Variants in YBX3 observed in about 807,000 individuals in gnomAD.
YBX3 encodes the protein Y-box binding protein 3.
YBX3 carries 29 observed loss-of-function variants against 42.4 expected under a neutral mutation model. That is an observed-to-expected ratio of 0.68 (90% CI 0.51 to 0.93). The LOEUF (loss-of-function observed/expected upper bound fraction) is 0.93. YBX3 is among the 40% of genes least tolerant of loss of function. The probability of loss-of-function intolerance (pLI) is 0.00; values close to 1 mark genes in which losing one functional copy is unlikely to be tolerated. For synonymous variants in YBX3, 195 were observed against 189.8 expected, an observed-to-expected ratio of 1.03 and a Z score of -0.22; for missense variants, 517 against 527.5, an observed-to-expected ratio of 0.98 and a Z score of 0.19.
intron 2 of YBX3, 104 bp from the exon 3 acceptor site, chr12:10,718,225 C>T: frequency 1.0e-6 from 1 of 975,070 alleles, no homozygotes; most frequent in South Asian, 1.7e-5. Flanking sequence ...CAAAACACAA[C>T]ATATATTTTC....
At chr12:10,717,901 T>C (rs1948280554) in intron 3 of YBX3, 187 bp downstream of exon 3, 1 of 445,376 alleles carries the variant, frequency 2.2e-6, no homozygotes, top group Non-Finnish European at 3.9e-6. Context: ...AAACAGTTAA[T>C]ATGATGGGGT....
At chr12:10,703,611 T>C (rs1242991307) in intron 7 of YBX3, 1 of 432,136 alleles carries the variant, frequency 2.3e-6, no homozygotes, top group South Asian at 1.7e-5. Context: ...AGAACATACA[T>C]CTAATGAACT....
intron 3 of YBX3, 178 bp downstream of exon 3, chr12:10,717,910 G>T: frequency 2.1e-6 from 1 of 472,064 alleles, no homozygotes; most frequent in Non-Finnish European, 3.7e-6. Flanking sequence ...ATATGATGGG[G>T]TAGAAGAACT....
chr12:10,714,730 G>T (rs1370079022), intron 4 of YBX3, among the ~76,000 whole-genome samples: 1 of 151,434 alleles, frequency 6.6e-6, no homozygotes, highest in African/African-American at 2.4e-5. Context: ...TTTGATAAAA[G>T]AAATCTTTTG....
At chr12:10,719,280 T>C (rs551640512) in intron 1 of YBX3, 137 bp from the exon 2 acceptor site, 60 of 694,200 alleles carry the variant, frequency 8.6e-5, no homozygotes, top group African/African-American at 8.5e-4. Context: ...CAAAATACTT[T>C]AGAAAAAGAA....
rs770047416 is a variant in YBX3 at position 10,701,283 on chromosome 12, TG to T, written c.*4del. The T allele has an allele frequency of 1.3e-6, 1 of 780,514 alleles. No individual in the cohort carries two copies. The highest frequency in any genetic ancestry group is 1.3e-5 in the South Asian group (1 of 74,566). The allele number at this position is 780,514 out of a possible 1,614,324, so 48.3% of individuals were successfully genotyped here. On this transcript the variant is annotated 3_prime_UTR_variant, in exon 9 of 10. Transcript: ENST00000228251. ...CGATGGTGAAGGTGCCTGAGGAGCC[TG>T]GTGTTACTCAGCACTGCTCTGCTGG...
At chr12:10,716,628 A>C (rs1591582359) in intron 3 of YBX3, among the ~76,000 whole-genome samples, 1 of 152,306 alleles carries the variant, frequency 6.6e-6, no homozygotes, top group East Asian at 1.9e-4. Flanking sequence ...TAAACAGTTA[A>C]AGGGGCTTGC....
intron 4 of YBX3, among the ~76,000 whole-genome samples, 184 bp from the exon 5 acceptor site, chr12:10,713,517 T>C (rs369972841): frequency 6.6e-6 from 1 of 152,212 alleles, no homozygotes; most frequent in South Asian, 2.1e-4. Context: ...TTTAAACATA[T>C]ATGGCTTGTT....
chr12:10,716,786 A>C (rs185396379), intron 3 of YBX3, among the ~76,000 whole-genome samples: 1 of 152,298 alleles, frequency 6.6e-6, no homozygotes, highest in Admixed American at 6.5e-5. Flanking sequence ...GCAGTTCAGG[A>C]CAGGCACGCA....
At chr12:10,715,934 A>G (rs1474571186) in intron 3 of YBX3, 151 bp from the exon 4 acceptor site, 1 of 629,886 alleles carries the variant, frequency 1.6e-6, no homozygotes, top group Non-Finnish European at 2.8e-6. Flanking sequence ...TCTCCAACAC[A>G]ACAACAAGAA....
chr12:10,709,889 G>A lies in YBX3; in HGVS notation c.780+19C>T. 2 of 1,613,160 alleles carry A rather than the reference G, an allele frequency of 1.2e-6. No homozygotes were observed. Among genetic ancestry groups the A allele is most frequent in the South Asian group, 1.1e-5 (1 of 91,040 alleles). ...GAAGGGTGAGGATTGCTGAAGAGAA[G>A]TCTCAGTTGCAATTTTACCTGTATT... On this transcript the variant is annotated intron_variant, in intron 6 of 9. Transcript: ENST00000228251.
intron 6 of YBX3, among the ~76,000 whole-genome samples, chr12:10,707,754 C>T (rs1489694296): frequency 6.6e-6 from 1 of 152,222 alleles, no homozygotes; most frequent in East Asian, 1.9e-4. Context: ...GATCTCACCT[C>T]ATACCCTCTC....
intron 5 of YBX3, chr12:10,710,638 C>G (rs1433054984): frequency 8.5e-7 from 1 of 1,183,054 alleles, no homozygotes; most frequent in Non-Finnish European, 1.1e-6. Flanking sequence ...CATAATATTA[C>G]TAAGATGCTA....
At chr12:10,700,328 T>C (rs1948064714) in intron 9 of YBX3, among the ~76,000 whole-genome samples, 1 of 152,174 alleles carries the variant, frequency 6.6e-6, no homozygotes, top group African/African-American at 2.4e-5. Context: ...AAAACTTCAT[T>C]GATGAAATTT....
intron 1 of YBX3, chr12:10,722,097 T>C (rs1948333042): frequency 6.6e-6 from 1 of 152,290 alleles, no homozygotes; most frequent in African/African-American, 2.4e-5. Context: ...TTTCAGCTGC[T>C]ACACCACGTG....
chr12:10,713,473 TTA>T (rs1167793272), intron 4 of YBX3, 140 bp from the exon 5 acceptor site: 1 of 1,076,562 alleles, frequency 9.3e-7, no homozygotes, highest in Non-Finnish European at 1.3e-6. Flanking sequence ...GATCTAGGTT[TTA>T]AACAAAGTGA....
At chr12:10,703,558 C>T (rs1948104245) in intron 7 of YBX3, 1 of 439,204 alleles carries the variant, frequency 2.3e-6, no homozygotes, top group African/African-American at 2.0e-5. Flanking sequence ...TCTTTGTTTT[C>T]AGACAGGGTC....
At chr12:10,701,204 G>C (rs1198253856) in intron 9 of YBX3, 50 bp downstream of exon 9, 6 of 754,396 alleles carry the variant, frequency 8.0e-6, no homozygotes, top group Non-Finnish European at 1.2e-5. Flanking sequence ...AGAAACCAGT[G>C]ATACTAAAAA....
intron 3 of YBX3, 69 bp downstream of exon 3, chr12:10,718,019 G>C: frequency 7.2e-7 from 1 of 1,382,872 alleles, no homozygotes; most frequent in Non-Finnish European, 1.0e-6. Context: ...TTACTTTTGG[G>C]AAAGGGCTGA....
Sources: gnomAD v4.1 joint callset for allele counts (sites outside exome capture counted in the v4.1 genomes callset) on GRCh38, gnomAD v4.1.1 for gene constraint, MANE v1.5 for transcripts, NCBI Gene and HGNC (gene_info 2026-07-23, HGNC 2026-07-21) for gene names.